RAB10: variants seen among roughly 807,000 people sequenced by gnomAD.
RAB10 encodes RAB10, member RAS oncogene family, also known as ras-related protein Rab-10.
In RAB10, 5 loss-of-function variants were observed where a neutral mutation model predicts 25.7. That is an observed-to-expected ratio of 0.19 (90% CI 0.10 to 0.41). The LOEUF (loss-of-function observed/expected upper bound fraction) is 0.41. RAB10 is among the 10% of genes least tolerant of loss of function. The probability of loss-of-function intolerance (pLI) is 1.00; values close to 1 mark genes in which losing one functional copy is unlikely to be tolerated. For missense variants in RAB10, 103 were observed against 245.8 expected (o/e 0.42, Z 3.89); for synonymous variants, 89 against 86.4 (o/e 1.03, Z -0.16).
intron 1 of RAB10, among the ~76,000 whole-genome samples, chr2:26,048,306 A>G (rs2149263229): frequency 6.6e-6 from 1 of 152,270 alleles, no homozygotes; most frequent in East Asian, 1.9e-4. Flanking sequence ...GAATGGCTAT[A>G]CCATTTTACA....
At chr2:26,035,484 C>T (rs796643765) in intron 1 of RAB10, among the ~76,000 whole-genome samples, 7 of 152,336 alleles carry the variant, frequency 4.6e-5, no homozygotes, top group African/African-American at 1.7e-4. Flanking sequence ...AATGCACTTT[C>T]ACCATGTTTC....
rs1473397669 is a variant in RAB10 at position 26,034,134 on chromosome 2, T to C, written c.-475T>C. 4 of 404,694 alleles carry C rather than the reference T, an allele frequency of 9.9e-6. No individual in the cohort carries two copies. The highest frequency in any genetic ancestry group is 1.7e-5 in the Non-Finnish European group (4 of 229,064). The allele number at this position is 404,694 out of a possible 1,614,324, so 25.1% of individuals were successfully genotyped here. On this transcript the variant is annotated 5_prime_UTR_variant, in exon 1 of 6. Transcript: ENST00000264710. ...TGAGAGGGCACGGGGAAAAGGTGGC[T>C]CTGGCCGGGGTGGCTCGGTTTCCTG...
chr2:26,116,212 C>T (rs1489888395), intron 3 of RAB10, among the ~76,000 whole-genome samples: 1 of 152,068 alleles, frequency 6.6e-6, no homozygotes, highest in African/African-American at 2.4e-5. Flanking sequence ...AGATGGGTGT[C>T]TCACCATGTT....
chr2:26,093,708 A>G (rs1044761001), intron 1 of RAB10, among the ~76,000 whole-genome samples: 12 of 152,234 alleles, frequency 7.9e-5, no homozygotes, highest in Non-Finnish European at 1.3e-4. Context: ...CATGATGATC[A>G]GGGATGTCAT....
At chr2:26,078,416 TAAAAG>T (rs990371201) in intron 1 of RAB10, among the ~76,000 whole-genome samples, 5 of 152,248 alleles carry the variant, frequency 3.3e-5, no homozygotes, top group Middle Eastern at 3.4e-3. Flanking sequence ...TTTCAGTGCT[TAAAAG>T]AAAGCTGTGG....
intron 4 of RAB10, 60 bp downstream of exon 4, chr2:26,127,293 G>T: frequency 2.4e-6 from 3 of 1,260,386 alleles, no homozygotes; most frequent in East Asian, 2.4e-5. Flanking sequence ...TGCTACTTTT[G>T]ATTATTTTTA....
chr2:26,123,504 G>A (rs1229152192), intron 3 of RAB10, among the ~76,000 whole-genome samples: 1 of 152,218 alleles, frequency 6.6e-6, no homozygotes, highest in African/African-American at 2.4e-5. Flanking sequence ...CCGATGTTGA[G>A]CATGATTTCA....
chr2:26,034,038 G>A (rs977856971), upstream of RAB10: 6 of 399,516 alleles, frequency 1.5e-5, no homozygotes, highest in African/African-American at 1.0e-4. Context: ...GAGGCGGACC[G>A]CAAGGCTAGG....
intron 3 of RAB10, among the ~76,000 whole-genome samples, chr2:26,110,716 G>GT (rs549668744): frequency 2.6e-4 from 40 of 152,042 alleles, no homozygotes; most frequent in South Asian, 6.2e-4. Context: ...TGTATTTTGG[G>GT]TTTTTTTGAG....
intron 1 of RAB10, among the ~76,000 whole-genome samples, chr2:26,091,434 G>A (rs1342048500): frequency 2.6e-5 from 4 of 152,098 alleles, no homozygotes; most frequent in Non-Finnish European, 2.9e-5. Context: ...AGTGAGAGGC[G>A]AACCTGGCTG....
Position 26,135,914 on chromosome 2 carries a change from G to A in RAB10, c.*893G>A, listed in dbSNP as rs936327955. The A allele has an allele frequency of 5.9e-5, 9 of 152,524 alleles. No individual in the cohort carries two copies. The highest frequency in any genetic ancestry group is 1.9e-4 in the African/African-American group (8 of 41,420). 9.4% of individuals were successfully genotyped at this position (152,524 alleles called of 1,614,324 possible). On this transcript the variant is annotated 3_prime_UTR_variant, in exon 6 of 6. Coordinates refer to ENST00000264710, the MANE Select transcript of RAB10 (RefSeq NM_016131.5). ...CACTGATGTAACTTGCTAGGTAAAC[G>A]GAAAGATAAGTTCTAACTGCCTACT...
chr2:26,136,596 A>T lies in RAB10; in HGVS notation c.*1575A>T, dbSNP rs1668118171. 1 of 152,636 alleles carries T rather than the reference A, an allele frequency of 6.6e-6. No homozygotes were observed. The highest frequency in any genetic ancestry group is 2.4e-5 in the African/African-American group (1 of 41,452). 9.5% of individuals were successfully genotyped at this position (152,636 alleles called of 1,614,324 possible). A position where few individuals can be genotyped will look rare whatever the true frequency, so the allele number is the denominator to read the frequency against. Reference sequence around the variant, plus strand: ...AAGTGAAGTTTGCTATGCTGCTAGCATCCTAAGATGATACCTTTGTTGAAA... The same window carrying T: ...AAGTGAAGTTTGCTATGCTGCTAGCTTCCTAAGATGATACCTTTGTTGAAA... On this transcript the variant is annotated 3_prime_UTR_variant, in exon 6 of 6. Coordinates refer to ENST00000264710, the MANE Select transcript of RAB10 (RefSeq NM_016131.5).
In RAB10 at chr2:26,068,436, T is replaced by TA. The variant is rs1666556556; in HGVS notation, c.128-30223dup. On this transcript the variant is annotated intron_variant, in intron 1 of 5. Transcript: ENST00000264710. ...TGGATTGGAGTTGGAATTTTCTAATTAAAGACTTATCAAAGATGTGTTTAA... is the reference window on the plus strand; with the variant it reads ...TGGATTGGAGTTGGAATTTTCTAATTAAAAGACTTATCAAAGATGTGTTTAA... Among the ~76,000 whole-genome samples the TA allele has an allele frequency of 2.6e-5, 4 of 152,342 alleles. No homozygotes were observed. In the South Asian group the frequency reaches 8.3e-4, roughly 32 times the overall value.
intron 3 of RAB10, among the ~76,000 whole-genome samples, chr2:26,124,992 G>A (rs1049049422): frequency 3.9e-5 from 6 of 152,124 alleles, no homozygotes; most frequent in Non-Finnish European, 8.8e-5. Context: ...GCCATGTTCT[G>A]TTTATTCATT....
rs1207802739 is a variant in RAB10, at chr2:26,034,383, G to T, written c.-226G>T. On this transcript the variant is annotated 5_prime_UTR_variant, in exon 1 of 6. Coordinates refer to ENST00000264710, the MANE Select transcript of RAB10 (RefSeq NM_016131.5). ...CGACTCCCCGGAACCGGGCGGACGG[G>T]CTGGGAGAGGCTGCGGAGCCGCGGT... 9 of 605,990 alleles carry T rather than the reference G, an allele frequency of 1.5e-5. No individual in the cohort carries two copies. In the Admixed American group the frequency reaches 2.1e-4, roughly 14 times the overall value. The allele number at this position is 605,990 out of a possible 1,614,324, so 37.5% of individuals were successfully genotyped here.
At chr2:26,058,834 T>C (rs1257741282) in intron 1 of RAB10, among the ~76,000 whole-genome samples, 2 of 152,116 alleles carry the variant, frequency 1.3e-5, no homozygotes. Flanking sequence ...TAGCAACAGC[T>C]CCCCTCTTCC....
intron 3 of RAB10, among the ~76,000 whole-genome samples, chr2:26,123,036 C>A (rs1014074535): frequency 1.3e-5 from 2 of 152,104 alleles, no homozygotes; most frequent in Non-Finnish European, 2.9e-5. Flanking sequence ...ACTGCCCTTA[C>A]GTATAAAGTT....
chr2:26,089,057 A>G (rs116034480), intron 1 of RAB10, among the ~76,000 whole-genome samples: 3,454 of 152,320 alleles, frequency 0.023, 63 homozygotes, highest in Non-Finnish European at 0.037. Context: ...ATGTGACTAC[A>G]GGAGAAAAAC....
In RAB10 at chr2:26,135,232, T is replaced by C. The variant is rs141400709; in HGVS notation, c.*211T>C. The stretch of plus-strand genomic sequence containing the variant: ...AACAAAAAAATGTATAGAAAAATCA[T>C]GTCTGTGAGTTCATTTTTAAATGTA... On this transcript the variant is annotated 3_prime_UTR_variant, in exon 6 of 6. Coordinates refer to ENST00000264710, the MANE Select transcript of RAB10 (RefSeq NM_016131.5). 1.8e-5 allele frequency: 9 copies of C among 493,200 alleles called. No individual in the cohort carries two copies. In the Admixed American group the frequency reaches 3.4e-4, roughly 19 times the overall value. The allele number at this position is 493,200 out of a possible 1,614,324, so 30.6% of individuals were successfully genotyped here.
Sources: allele counts gnomAD v4.1 joint callset (sites outside exome capture counted in the v4.1 genomes callset), GRCh38; gene constraint gnomAD v4.1.1; transcripts MANE v1.5; gene names NCBI Gene and HGNC (gene_info 2026-07-23, HGNC 2026-07-21).